DOCK1: variants seen among roughly 807,000 people sequenced by gnomAD.
The protein encoded by DOCK1 is dedicator of cytokinesis protein 1.
Under a neutral mutation model 262.7 loss-of-function variants are expected in DOCK1, and 138 were observed. The ratio of observed to expected loss-of-function variants is 0.53; its 90% CI spans 0.46 to 0.61. DOCK1 has a LOEUF of 0.61. Among genes scored for constraint, DOCK1 ranks in the 20% least tolerant of loss-of-function variants. The pLI is 0.00. For synonymous variants in DOCK1, 866 were observed against 867.4 expected (o/e 1.00, Z 0.03); for missense variants, 1,908 against 2,370.7 (o/e 0.80, Z 4.05).
chr10:127,031,586 T>G, intron 16 of DOCK1, 64 bp from the exon 17 acceptor site: 1 of 1,305,004 alleles, frequency 7.7e-7, no homozygotes, highest in East Asian at 2.3e-5. Context: ...TGTAGCTTCT[T>G]ATAATGTTAT....
At chr10:127,109,133 A>T (rs1029267027) in intron 24 of DOCK1, among the ~76,000 whole-genome samples, 2 of 152,230 alleles carry the variant, frequency 1.3e-5, no homozygotes, top group Admixed American at 1.3e-4. Flanking sequence ...AAGGATTTTC[A>T]GTAGATTTTA....
intron 1 of DOCK1, among the ~76,000 whole-genome samples, chr10:126,955,597 C>T (rs2036668273): frequency 3.3e-5 from 5 of 152,106 alleles, no homozygotes; most frequent in African/African-American, 9.7e-5. Flanking sequence ...GACAGGCTGG[C>T]GCTGTCTGGG....
chr10:127,102,962 C>T (rs141010199), intron 23 of DOCK1, among the ~76,000 whole-genome samples: 89 of 152,300 alleles, frequency 5.8e-4, no homozygotes, highest in African/African-American at 2.1e-3. Context: ...CCTGTATTCC[C>T]CTGCCCGCTT....
chr10:127,253,503 G>C (rs1019938366), intron 28 of DOCK1, among the ~76,000 whole-genome samples: 38 of 152,258 alleles, frequency 2.5e-4, no homozygotes, highest in African/African-American at 8.9e-4. Flanking sequence ...ACCTTACTCA[G>C]ATTTCACCAG....
At chr10:127,024,574 G>T (rs2042692193) in intron 14 of DOCK1, 111 bp from the exon 15 acceptor site, 1 of 831,408 alleles carries the variant, frequency 1.2e-6, no homozygotes, top group Non-Finnish European at 1.8e-6. Context: ...TGTGGTGGGG[G>T]TGTGTTGGTG....
At chr10:127,334,627 C>A (rs900129260) in intron 29 of DOCK1, among the ~76,000 whole-genome samples, 1 of 152,218 alleles carries the variant, frequency 6.6e-6, no homozygotes, top group Non-Finnish European at 1.5e-5. Flanking sequence ...TTTAGGTTGA[C>A]ATAATTTGCC....
intron 29 of DOCK1, among the ~76,000 whole-genome samples, chr10:127,301,838 CGGGAGGCTGA>C (rs1278572976): frequency 8.6e-5 from 13 of 151,016 alleles, no homozygotes; most frequent in Admixed American, 8.0e-4. Context: ...CCCAGCTACT[CGGGAGGCTGA>C]GGCAGGAGAA....
intron 38 of DOCK1, among the ~76,000 whole-genome samples, chr10:127,392,762 T>C (rs67989516): frequency 0.48 from 72,536 of 151,760 alleles, 17,683 homozygotes; most frequent in African/African-American, 0.51. Flanking sequence ...CAGCGCCGGG[T>C]CGGGGGCAGA....
chr10:127,220,198 G>T (rs1260569550), intron 27 of DOCK1, among the ~76,000 whole-genome samples: 1 of 151,722 alleles, frequency 6.6e-6, no homozygotes, highest in African/African-American at 2.4e-5. Context: ...TGTCTCAGTT[G>T]ATGTGATATT....
chr10:127,336,082 A>G (rs901807372), intron 29 of DOCK1, among the ~76,000 whole-genome samples: 7 of 150,698 alleles, frequency 4.6e-5, no homozygotes, highest in Non-Finnish European at 1.0e-4. Context: ...TGAACTCCTG[A>G]CCTCAGGTGA....
rs1203053537 is a variant in DOCK1, at chr10:126,952,861, TGTGGTA to T, written c.47-17838_47-17833del. ...GTAGTGTTGGTAGTATTGTTGGTGA[TGTGGTA>T]GTATTGTTATTGTTGGTAGTATTGT... is the stretch of plus-strand genomic sequence containing the variant. On this transcript the variant is annotated intron_variant, in intron 1 of 51. Coordinates refer to ENST00000623213, the MANE Select transcript of DOCK1 (RefSeq NM_001290223.2). Among the ~76,000 whole-genome samples the T allele has an allele frequency of 4.9e-3, 715 of 147,244 alleles. 2 individuals carry two copies. The highest frequency in any genetic ancestry group is 0.017 in the African/African-American group (656 of 39,674).
Position 127,257,386 on chromosome 10 carries a change from G to A in DOCK1, c.3001G>A (p.Val1001Ile), listed in dbSNP as rs922456430. 16 of 1,607,830 alleles carry A rather than the reference G, an allele frequency of 1.0e-5. No individual in the cohort carries two copies. Among genetic ancestry groups the A allele is most frequent in the Middle Eastern group, 1.7e-4 (1 of 6,058 alleles). The change falls in exon 29 of 52, where the codon GTT becomes ATT. Residue 1001 changes from valine (V) to isoleucine (I), a missense_variant. Coordinates refer to ENST00000623213, the MANE Select transcript of DOCK1 (RefSeq NM_001290223.2). ...GTTTAAGAACCTCATTGGAAAGAAC[G>A]TTTACCCCTTCGACTGGGTGATCAT... is the stretch of plus-strand genomic sequence containing the variant. The part of the protein sequence containing the change: ...IMFKNLIGKN[V>I]YPFDWVIMNM...
At chr10:127,205,642 C>T (rs1057491583) in intron 27 of DOCK1, among the ~76,000 whole-genome samples, 1 of 152,176 alleles carries the variant, frequency 6.6e-6, no homozygotes, top group African/African-American at 2.4e-5. Context: ...ACTTTTGCTT[C>T]TTCGATGACA....
At chr10:127,013,191 G>T (rs1287666550) in intron 12 of DOCK1, among the ~76,000 whole-genome samples, 1 of 152,204 alleles carries the variant, frequency 6.6e-6, no homozygotes, top group African/African-American at 2.4e-5. Flanking sequence ...GGGACCTCCA[G>T]CTTTCTTCTG....
chr10:127,416,041 G>A (rs557329378), intron 44 of DOCK1, among the ~76,000 whole-genome samples: 64 of 152,186 alleles, frequency 4.2e-4, no homozygotes, highest in Non-Finnish European at 6.0e-4. Flanking sequence ...TGTCTCTAGG[G>A]GCCGGCATCT....
intron 31 of DOCK1, chr10:127,344,211 G>A (rs2135764242): frequency 6.5e-6 from 1 of 154,262 alleles, no homozygotes; most frequent in East Asian, 1.9e-4. Context: ...GCTTTGAATG[G>A]ACTGAAGCGG....
chr10:127,121,562 CAAGAGTCTTACTGTTACTTAAAACGTGT>C (rs2049580587), intron 25 of DOCK1, among the ~76,000 whole-genome samples: 1 of 151,604 alleles, frequency 6.6e-6, no homozygotes, highest in African/African-American at 2.4e-5. Context: ...AGACAAAATT[CAAGAGTCTTACTGTTACTTAAAACGTGT>C]ACTCCCACCA....
At chr10:127,049,893 C>T (rs1010736364) in intron 21 of DOCK1, among the ~76,000 whole-genome samples, 1 of 150,064 alleles carries the variant, frequency 6.7e-6, no homozygotes, top group Admixed American at 6.7e-5. Context: ...ATATAAAATA[C>T]AGAACAGATT....
At chr10:126,969,560 A>G (rs989134296) in intron 1 of DOCK1, among the ~76,000 whole-genome samples, 11 of 152,146 alleles carry the variant, frequency 7.2e-5, no homozygotes, top group African/African-American at 2.7e-4. Flanking sequence ...AGAACAAGAG[A>G]TGGGAAGCTT....
Sources: gnomAD v4.1 joint callset for allele counts (sites outside exome capture counted in the v4.1 genomes callset) on GRCh38, gnomAD v4.1.1 for gene constraint, MANE v1.5 for transcripts, NCBI Gene and HGNC (gene_info 2026-07-23, HGNC 2026-07-21) for gene names.